Variants in VPS35L observed in about 807,000 individuals in gnomAD.
VPS35L encodes the protein VPS35 endosomal protein sorting factor like.
In VPS35L, 83 loss-of-function variants were observed where a neutral mutation model predicts 133.0. The ratio of observed to expected loss-of-function variants is 0.62; its 90% CI spans 0.52 to 0.75. The LOEUF (loss-of-function observed/expected upper bound fraction) is 0.75, where lower values mean the gene tolerates loss of function less well. VPS35L is among the 30% of genes least tolerant of loss of function. The pLI is 0.00. For missense variants in VPS35L, 1,083 were observed against 1,206.8 expected (o/e 0.90, Z 1.52); for synonymous variants, 423 against 449.9 (o/e 0.94, Z 0.76).
At chr16:19,669,673 C>CTT (rs201351902) in intron 27 of VPS35L, among the ~76,000 whole-genome samples, 10 of 145,544 alleles carry the variant, frequency 6.9e-5, no homozygotes, top group Non-Finnish European at 3.0e-5. Flanking sequence ...TTCTGTCTCT[C>CTT]TTTTTTTTTT....
chr16:19,574,920 C>T (rs1003073806), intron 4 of VPS35L, among the ~76,000 whole-genome samples, 178 bp from the exon 5 acceptor site: 3 of 152,190 alleles, frequency 2.0e-5, no homozygotes, highest in African/African-American at 7.2e-5. Context: ...TATTTGTCTG[C>T]TGACTTTGAG....
intron 28 of VPS35L, among the ~76,000 whole-genome samples, chr16:19,686,911 C>G (rs1363757178): frequency 2.0e-5 from 3 of 152,158 alleles, no homozygotes; most frequent in Non-Finnish European, 4.4e-5. Context: ...GTACTGCCCC[C>G]CCTTCCTTGA....
intron 1 of VPS35L, among the ~76,000 whole-genome samples, chr16:19,564,467 C>T (rs772645940): frequency 2.0e-4 from 31 of 151,914 alleles, no homozygotes; most frequent in Admixed American, 5.2e-4. Flanking sequence ...GGTGTGATCT[C>T]AGTTCACCGT....
chr16:19,574,294 CAGAG>C (rs1971468883), intron 4 of VPS35L, among the ~76,000 whole-genome samples: 2 of 152,100 alleles, frequency 1.3e-5, no homozygotes, highest in Non-Finnish European at 2.9e-5. Context: ...TGTTGGTAGA[CAGAG>C]GGAGGAAAGG....
chr16:19,574,040 A>G (rs1011151124), intron 4 of VPS35L, among the ~76,000 whole-genome samples: 7 of 152,154 alleles, frequency 4.6e-5, no homozygotes, highest in Admixed American at 2.6e-4. Flanking sequence ...TGTGGAAGGA[A>G]AGACTCAGGA....
At chr16:19,661,510 G>C (rs2151596842) in intron 26 of VPS35L, among the ~76,000 whole-genome samples, 1 of 152,296 alleles carries the variant, frequency 6.6e-6, no homozygotes, top group Admixed American at 6.5e-5. Flanking sequence ...ATCCCAGTGG[G>C]AGGTTACTGC....
intron 5 of VPS35L, among the ~76,000 whole-genome samples, chr16:19,576,196 A>AAG (rs1219704445): frequency 6.7e-6 from 1 of 148,758 alleles, no homozygotes; most frequent in Non-Finnish European, 1.5e-5. Flanking sequence ...AAAAAAAACA[A>AAG]AGAGGTTACT....
Position 19,610,513 on chromosome 16 carries a change from T to C in VPS35L, c.1023+98T>C, listed in dbSNP as rs183345299. On this transcript the variant is annotated intron_variant, in intron 12 of 30. Coordinates refer to ENST00000417362, the MANE Select transcript of VPS35L (RefSeq NM_020314.7). ...CCTTCCCCACCACCCCGCAAGTCAT[T>C]GAGAGAAGGACTTTATTAGTGGCTA... 165 of 814,412 alleles carry C rather than the reference T, an allele frequency of 2.0e-4. No homozygotes were observed. The Middle Eastern group carries it at 4.0e-3, about 20-fold the overall frequency. The allele number at this position is 814,412 out of a possible 1,614,324, so 50.4% of individuals were successfully genotyped here.
At chr16:19,569,641 C>T in intron 3 of VPS35L, 50 bp downstream of exon 3, 2 of 1,479,294 alleles carry the variant, frequency 1.4e-6, no homozygotes, top group Non-Finnish European at 1.8e-6. Context: ...TTTGTGGGTG[C>T]AGGAATGGGT....
At chr16:19,608,330 T>A (rs1972601278) in intron 10 of VPS35L, 56 bp downstream of exon 10, 24 of 1,290,954 alleles carry the variant, frequency 1.9e-5, no homozygotes, top group Non-Finnish European at 2.7e-5. Flanking sequence ...AAAAGAATTG[T>A]ACTGTTAATA....
At chr16:19,571,063 G>T (rs1396586408) in intron 3 of VPS35L, among the ~76,000 whole-genome samples, 1 of 150,944 alleles carries the variant, frequency 6.6e-6, no homozygotes, top group Admixed American at 6.6e-5. Flanking sequence ...AGTAGAGACG[G>T]GGTTTCACTA....
Position 19,627,754 on chromosome 16 carries a change from T to G in VPS35L, c.1332T>G (p.Ser444=). ...AFRAEFIATR[S]MDFIGMIKEC... ...GGGCTGAGTTCATCGCCACAAGGTC[T>G]ATGGATTTCATTGGCATGATTAAAG... is the stretch of plus-strand genomic sequence containing the variant. Residue 444 remains serine (S), a synonymous_variant, in exon 16 of 31, where the codon TCT becomes TCG. Transcript: ENST00000417362. The G allele has an allele frequency of 1.2e-6, 2 of 1,614,152 alleles. No homozygotes were observed. The highest frequency in any genetic ancestry group is 1.7e-6 in the Non-Finnish European group (2 of 1,179,976).
chr16:19,596,556 T>G (rs1972222373), intron 8 of VPS35L, among the ~76,000 whole-genome samples: 2 of 151,588 alleles, frequency 1.3e-5, no homozygotes, highest in African/African-American at 4.8e-5. Context: ...ATTATAGGCA[T>G]GAGTCACTGC....
intron 7 of VPS35L, among the ~76,000 whole-genome samples, chr16:19,585,719 T>C (rs1971844032): frequency 1.3e-5 from 2 of 152,108 alleles, no homozygotes; most frequent in African/African-American, 4.8e-5. Flanking sequence ...AGTTTTGTTA[T>C]AACCCTCCTA....
intron 19 of VPS35L, among the ~76,000 whole-genome samples, chr16:19,634,242 A>G (rs900155467): frequency 1.3e-5 from 2 of 151,926 alleles, no homozygotes; most frequent in African/African-American, 4.8e-5. Flanking sequence ...ACTTGAGTCC[A>G]GGAGTTCAAG....
intron 8 of VPS35L, among the ~76,000 whole-genome samples, chr16:19,593,339 T>G (rs947871366): frequency 6.6e-6 from 1 of 152,116 alleles, no homozygotes; most frequent in African/African-American, 2.4e-5. Flanking sequence ...TTCACTGTCT[T>G]ACAGGGACTA....
At chr16:19,570,881 A>ATTTTTTTTTTTT (rs1567388851) in intron 3 of VPS35L, among the ~76,000 whole-genome samples, 1 of 64,304 alleles carries the variant, frequency 1.6e-5, no homozygotes, top group African/African-American at 8.1e-5. Flanking sequence ...ATATATATAT[A>ATTTTTTTTTTTT]TATATATATT....
chr16:19,689,179 A>G (rs1388028193), intron 28 of VPS35L, among the ~76,000 whole-genome samples: 2 of 150,700 alleles, frequency 1.3e-5, no homozygotes, highest in African/African-American at 4.9e-5. Context: ...GGGTTTCACC[A>G]TGTTGACCAG....
Position 19,629,759 on chromosome 16 carries a change from C to T in VPS35L, c.1501-8C>T, listed in dbSNP as rs1424088755. The T allele has an allele frequency of 1.2e-6, 2 of 1,612,790 alleles. No homozygotes were observed. Among genetic ancestry groups the T allele is most frequent in the South Asian group, 2.2e-5 (2 of 91,048 alleles). On this transcript the variant is annotated splice_region_variant and splice_polypyrimidine_tract_variant and intron_variant, in intron 17 of 30. Coordinates refer to ENST00000417362, the MANE Select transcript of VPS35L (RefSeq NM_020314.7). ...TTAATGTTAAGATGTTTTCCTTTCT[C>T]TTTGTAGGACTACATTAATTGTGCC...
Sources: allele counts gnomAD v4.1 joint callset (sites outside exome capture counted in the v4.1 genomes callset), GRCh38; gene constraint gnomAD v4.1.1; transcripts MANE v1.5; gene names NCBI Gene and HGNC (gene_info 2026-07-23, HGNC 2026-07-21).